ANKEF1: variants seen among roughly 807,000 people sequenced by gnomAD.
ANKEF1 encodes ankyrin repeat and EF-hand domain containing 1.
Under a neutral mutation model 65.1 loss-of-function variants are expected in ANKEF1, and 43 were observed. The ratio of observed to expected loss-of-function variants is 0.66; its 90% confidence interval spans 0.52 to 0.85. ANKEF1 has a LOEUF of 0.85. Among genes scored for constraint, ANKEF1 ranks in the 40% least tolerant of loss-of-function variants. The pLI, the probability that ANKEF1 is intolerant of heterozygous loss-of-function variation, is 0.00. For synonymous variants in ANKEF1, 316 were observed against 341.5 expected (o/e 0.93, Z 0.82); for missense variants, 934 against 952.9 (o/e 0.98, Z 0.26).
At chr20:10,045,826 A>C in intron 6 of ANKEF1, 129 bp downstream of exon 6, 2 of 860,238 alleles carry the variant, frequency 2.3e-6, no homozygotes, top group Non-Finnish European at 3.6e-6. Flanking sequence ...ACTCATATGT[A>C]GAAAGAAAAT....
chr20:10,043,041 G>A (rs4813909), intron 3 of ANKEF1, 81 bp from the exon 4 acceptor site: 432,759 of 1,391,488 alleles, frequency 0.31, 71,798 homozygotes, highest in East Asian at 0.64. Context: ...AGCTAAATAT[G>A]GATTTTTAAT....
In ANKEF1 at chr20:10,049,543, G is replaced by T; in HGVS notation, c.974G>T (p.Trp325Leu). 6.2e-7 allele frequency: 1 copy of T among 1,614,116 alleles called. No homozygotes were observed. Among genetic ancestry groups the T allele is most frequent in the Non-Finnish European group, 8.5e-7 (1 of 1,180,018 alleles). ...RPGAKNPNPL[W>L]ALRLHDWSVE... Reference sequence around the variant, plus strand: ...GGAGCCAAAAATCCAAATCCACTGTGGGCCCTTAGACTGCACGATTGGTCC... The same window carrying T: ...GGAGCCAAAAATCCAAATCCACTGTTGGCCCTTAGACTGCACGATTGGTCC... Residue 325 changes from tryptophan (W) to leucine (L), a missense_variant, in exon 7 of 11, where the codon TGG becomes TTG. Physicochemically the swap from Trp to Leu is moderately conservative, Grantham distance 61 (BLOSUM62 -2). Coordinates refer to ENST00000378392, the MANE Select transcript of ANKEF1 (RefSeq NM_022096.6).
At chr20:10,055,445 A>G in intron 10 of ANKEF1, 57 bp from the exon 11 acceptor site, 1 of 1,495,582 alleles carries the variant, frequency 6.7e-7, no homozygotes. Flanking sequence ...GGATATTAGC[A>G]TATTTACTGG....
In ANKEF1 at chr20:10,043,225, G is replaced by A. The variant is rs142793528; in HGVS notation, c.450G>A (p.Lys150=). ...ADVNNSTYEG[K]PIFLRACEDA... ...TCAACAATTCTACCTATGAAGGAAA[G>A]CCAATATTCCTTAGAGCTTGTGAAG... The change falls in exon 4 of 11, where the codon AAG becomes AAA. Residue 150 remains lysine, a synonymous_variant. Coordinates refer to ENST00000378392, the MANE Select transcript of ANKEF1 (RefSeq NM_022096.6). 112 of 1,614,164 alleles carry A rather than the reference G, an allele frequency of 6.9e-5. No individual in the cohort carries two copies. The Admixed American group carries it at 1.4e-3, about 20-fold the overall frequency.
At position 10,056,496 on chromosome 20, in the gene ANKEF1, T is replaced by TGATGATA. The variant is rs1555773775; in HGVS notation, c.*839_*840insGATAGAT. ...GATAGATGATAGATAGATAGATAGA[T>TGATGATA]GATAGATAGATAGATAGATAGATAG... is the stretch of plus-strand genomic sequence containing the variant. On this transcript the variant is annotated 3_prime_UTR_variant, in exon 11 of 11. Transcript: ENST00000378392. 1.4e-5 allele frequency: 2 copies of TGATGATA among 143,714 alleles called. No homozygotes were observed. The highest frequency in any genetic ancestry group is 3.0e-5 in the Non-Finnish European group (2 of 66,172). The allele number at this position is 143,714 out of a possible 1,614,324, so 8.9% of individuals were successfully genotyped here. A position where few individuals can be genotyped will look rare whatever the true frequency, so the allele number is the denominator to read the frequency against.
chr20:10,039,292 A>G (rs1600508820), intron 3 of ANKEF1, among the ~76,000 whole-genome samples: 2 of 152,328 alleles, frequency 1.3e-5, no homozygotes, highest in South Asian at 4.1e-4. Context: ...CAAATAACTT[A>G]AGGTTCAGGC....
At chr20:10,035,698 G>A (rs1170272526) in intron 2 of ANKEF1, 56 bp downstream of exon 2, 1 of 152,122 alleles carries the variant, frequency 6.6e-6, no homozygotes, top group Non-Finnish European at 1.5e-5. Context: ...ATGATACAGG[G>A]AAGGGAGGAT....
chr20:10,052,884 A>G (rs1251983727), intron 8 of ANKEF1, among the ~76,000 whole-genome samples: 2 of 152,180 alleles, frequency 1.3e-5, no homozygotes, highest in African/African-American at 2.4e-5. Flanking sequence ...AAACTAAGGA[A>G]AAGTAATTTT....
chr20:10,036,639 C>T (rs139989552), intron 2 of ANKEF1, among the ~76,000 whole-genome samples: 2,066 of 152,260 alleles, frequency 0.014, 40 homozygotes, highest in African/African-American at 0.046. Flanking sequence ...GTCAAGAGTT[C>T]AAGATCAGCC....
At position 10,050,105 on chromosome 20, in the gene ANKEF1, T is replaced by C; in HGVS notation, c.1536T>C (p.Phe512=). ...AGDLASLKKA[F]ESGIPVDMKD... is the part of the protein sequence containing the mutation. ...ATCTGGCTTCTCTGAAAAAGGCCTT[T>C]GAATCAGGAATACCTGTGGATATGA... The change falls in exon 7 of 11, where the codon TTT becomes TTC. Residue 512 remains phenylalanine (F), a synonymous_variant. Coordinates refer to ENST00000378392, the MANE Select transcript of ANKEF1 (RefSeq NM_022096.6). The C allele has an allele frequency of 6.2e-7, 1 of 1,614,170 alleles. No individual in the cohort carries two copies. The highest frequency in any genetic ancestry group is 8.5e-7 in the Non-Finnish European group (1 of 1,180,012).
intron 6 of ANKEF1, among the ~76,000 whole-genome samples, chr20:10,049,167 C>T (rs972866021): frequency 5.3e-5 from 8 of 151,906 alleles, no homozygotes; most frequent in Non-Finnish European, 8.8e-5. Context: ...AAATTGTAAA[C>T]GTATCTTCTT....
In ANKEF1 at chr20:10,056,636, T is replaced by C. The variant is rs1027652937; in HGVS notation, c.*976T>C. ...TATCAGGAAGTGCAGGCTGGAAACA[T>C]GCAGGAGCTGTCCCTGAAGTCCACA... On this transcript the variant is annotated 3_prime_UTR_variant, in exon 11 of 11. Transcript: ENST00000378392. 2.6e-5 allele frequency: 4 copies of C among 152,100 alleles called. No individual in the cohort carries two copies. The highest frequency in any genetic ancestry group is 9.7e-5 in the African/African-American group (4 of 41,422). 9.4% of individuals were successfully genotyped at this position (152,100 alleles called of 1,614,324 possible).
At chr20:10,055,478 G>T in intron 10 of ANKEF1, 24 bp from the exon 11 acceptor site, 1 of 1,611,706 alleles carries the variant, frequency 6.2e-7, no homozygotes, top group Non-Finnish European at 8.5e-7. Context: ...TACCTGCTGG[G>T]GTATGGCTAT....
chr20:10,041,813 A>G (rs1436211116), intron 3 of ANKEF1, among the ~76,000 whole-genome samples: 1 of 151,682 alleles, frequency 6.6e-6, no homozygotes, highest in African/African-American at 2.4e-5. Flanking sequence ...CTCTTGGAAA[A>G]CTCACTTTTG....
chr20:10,057,685 C>G lies in ANKEF1; in HGVS notation c.*2025C>G, dbSNP rs1985246681. 1 of 152,134 alleles carries G rather than the reference C, an allele frequency of 6.6e-6. No individual in the cohort carries two copies. The highest frequency in any genetic ancestry group is 1.5e-5 in the Non-Finnish European group (1 of 68,022). 9.4% of individuals were successfully genotyped at this position (152,134 alleles called of 1,614,324 possible). A position where few individuals can be genotyped will look rare whatever the true frequency, so the allele number is the denominator to read the frequency against. On this transcript the variant is annotated 3_prime_UTR_variant, in exon 11 of 11. Coordinates refer to ENST00000378392, the MANE Select transcript of ANKEF1 (RefSeq NM_022096.6). Reference sequence around the variant, plus strand: ...TTTTAAATATTTCATTGTGTATTTCCTAAAATCACGATGTTCTTTTGCATA... The same window carrying G: ...TTTTAAATATTTCATTGTGTATTTCGTAAAATCACGATGTTCTTTTGCATA...
rs1568515762 is a variant in ANKEF1, at chr20:10,050,180, C to T, written c.1611C>T (p.Asn537=). 1 of 1,612,630 alleles carries T rather than the reference C, an allele frequency of 6.2e-7. No homozygotes were observed. The highest frequency in any genetic ancestry group is 1.7e-5 in the Admixed American group (1 of 59,782). The part of the protein sequence containing the change: ...TPLMTACASG[N]IDVVKFLLEK... ...TAATGACGGCGTGTGCAAGTGGAAACATAGATGTGGTCAAGTTTCTTCTTG... is the reference window on the plus strand; with the variant it reads ...TAATGACGGCGTGTGCAAGTGGAAATATAGATGTGGTCAAGTTTCTTCTTG... The change falls in exon 7 of 11, where the codon AAC becomes AAT. Residue 537 remains asparagine (N), a synonymous_variant. Coordinates refer to ENST00000378392, the MANE Select transcript of ANKEF1 (RefSeq NM_022096.6).
intron 2 of ANKEF1, among the ~76,000 whole-genome samples, chr20:10,036,709 G>T (rs1340894389): frequency 6.6e-6 from 1 of 152,160 alleles, no homozygotes; most frequent in Non-Finnish European, 1.5e-5. Context: ...AGGTGTGGTG[G>T]TGGGCACCTG....
chr20:10,055,058 G>T (rs1189480607), intron 10 of ANKEF1, among the ~76,000 whole-genome samples: 2 of 152,148 alleles, frequency 1.3e-5, no homozygotes, highest in Admixed American at 1.3e-4. Context: ...GAAAAGAGTT[G>T]TCTTTCCATT....
chr20:10,045,780 T>A, intron 6 of ANKEF1, 83 bp downstream of exon 6: 4 of 1,439,910 alleles, frequency 2.8e-6, no homozygotes, highest in Non-Finnish European at 3.8e-6. Context: ...GGCCTATCAC[T>A]TGTCAGTGGC....
Sources: allele counts gnomAD v4.1 joint callset (sites outside exome capture counted in the v4.1 genomes callset), GRCh38; gene constraint gnomAD v4.1.1; transcripts MANE v1.5; gene names NCBI Gene and HGNC (gene_info 2026-07-23, HGNC 2026-07-21).